Variants in DLGAP2 observed in about 807,000 individuals in gnomAD.
The protein encoded by DLGAP2 is disks large-associated protein 2.
In DLGAP2, 26 loss-of-function variants were observed where a neutral mutation model predicts 100.3. The observed-to-expected ratio is 0.26, with a 90% CI of 0.19 to 0.36. The LOEUF is 0.36. Among genes scored for constraint, DLGAP2 ranks in the 10% least tolerant of loss-of-function variants. The pLI is 1.00. For synonymous variants in DLGAP2, 886 were observed against 630.1 expected (o/e 1.41, Z -6.08); for missense variants, 1,858 against 1,453.2 (o/e 1.28, Z -4.53).
At chr8:1,111,343 G>A (rs1420676951) in intron 2 of DLGAP2, among the ~76,000 whole-genome samples, 1 of 152,050 alleles carries the variant, frequency 6.6e-6, no homozygotes, top group East Asian at 1.9e-4. Context: ...GACTCCCTGG[G>A]TTCACGTTCC....
chr8:1,002,525 C>G (rs529011999), intron 2 of DLGAP2: 1 of 152,168 alleles, frequency 6.6e-6, no homozygotes, highest in African/African-American at 2.4e-5. Context: ...GGGCTGGGTA[C>G]CTGGAAGCTC....
chr8:1,552,025 G>C (rs1801785599), intron 5 of DLGAP2, among the ~76,000 whole-genome samples: 1 of 152,166 alleles, frequency 6.6e-6, no homozygotes, highest in East Asian at 1.9e-4. Context: ...GAACCAGCTG[G>C]TTGGTCTGAT....
intron 2 of DLGAP2, among the ~76,000 whole-genome samples, chr8:1,043,088 G>C (rs1383273009): frequency 6.7e-6 from 1 of 149,076 alleles, no homozygotes; most frequent in Non-Finnish European, 1.5e-5. Context: ...TGTGGGAGGT[G>C]GATGTAGGTG....
At chr8:1,218,661 A>G (rs1476540101) in intron 2 of DLGAP2, among the ~76,000 whole-genome samples, 3 of 152,008 alleles carry the variant, frequency 2.0e-5, no homozygotes, top group Non-Finnish European at 4.4e-5. Context: ...TTCTAATTAT[A>G]TGGAAAATCA....
At chr8:743,682 G>A (rs1331524237) in intron 1 of DLGAP2, among the ~76,000 whole-genome samples, 1 of 152,106 alleles carries the variant, frequency 6.6e-6, no homozygotes, top group Admixed American at 6.5e-5. Flanking sequence ...TCCCACCTCA[G>A]CCTCCCGAGT....
chr8:1,638,467 C>G (rs1797820583), intron 8 of DLGAP2, among the ~76,000 whole-genome samples: 1 of 152,106 alleles, frequency 6.6e-6, no homozygotes, highest in Non-Finnish European at 1.5e-5. Context: ...ATCAATGTTG[C>G]TCTGTTACGG....
intron 3 of DLGAP2, among the ~76,000 whole-genome samples, chr8:1,303,670 C>T (rs778900940): frequency 6.6e-6 from 1 of 152,150 alleles, no homozygotes; most frequent in Non-Finnish European, 1.5e-5. Context: ...ACTCAGGAGC[C>T]CGCAGGAAGC....
intron 2 of DLGAP2, among the ~76,000 whole-genome samples, chr8:1,117,245 C>T (rs1216059158): frequency 1.3e-5 from 2 of 152,232 alleles, no homozygotes; most frequent in African/African-American, 4.8e-5. Flanking sequence ...TGCCTCGGGG[C>T]TGTGCCCTCT....
chr8:1,368,912 A>T (rs1252654626), intron 3 of DLGAP2: 1 of 152,170 alleles, frequency 6.6e-6, no homozygotes, highest in African/African-American at 2.4e-5. Flanking sequence ...GTCTTCCTGT[A>T]ATACAGCATC....
intron 2 of DLGAP2, among the ~76,000 whole-genome samples, chr8:974,676 A>C (rs1344130806): frequency 6.6e-6 from 1 of 152,212 alleles, no homozygotes; most frequent in Non-Finnish European, 1.5e-5. Context: ...GTCTCAAGAT[A>C]AATTTTAAAA....
intron 1 of DLGAP2, among the ~76,000 whole-genome samples, chr8:872,248 T>G (rs1002573024): frequency 6.6e-6 from 1 of 152,032 alleles, no homozygotes; most frequent in Non-Finnish European, 1.5e-5. Context: ...CCAGAACTAT[T>G]AGGACAGATG....
At chr8:1,300,930 G>A (rs117424182) in intron 3 of DLGAP2, 2,022 of 152,352 alleles carry the variant, frequency 0.013, 15 homozygotes, top group Middle Eastern at 0.051. Context: ...TGCATGAACC[G>A]AGCTCAGCGT....
At chr8:948,990 G>T (rs550558013) in intron 2 of DLGAP2, among the ~76,000 whole-genome samples, 5 of 152,042 alleles carry the variant, frequency 3.3e-5, no homozygotes, top group Non-Finnish European at 7.4e-5. Context: ...AGGAGTCGCC[G>T]GGGTGGGAGC....
intron 1 of DLGAP2, chr8:754,232 A>T (rs1003090432): frequency 2.6e-5 from 4 of 152,196 alleles, no homozygotes; most frequent in Admixed American, 1.3e-4. Flanking sequence ...GATTTCGTCC[A>T]CTGTCACTGC....
intron 1 of DLGAP2, among the ~76,000 whole-genome samples, chr8:808,412 A>G (rs1340480407): frequency 6.6e-6 from 1 of 152,110 alleles, no homozygotes; most frequent in Non-Finnish European, 1.5e-5. Context: ...GTCTGCTGAG[A>G]TCCAGGAAGG....
At chr8:1,486,797 G>C (rs2130265820) in intron 3 of DLGAP2, among the ~76,000 whole-genome samples, 1 of 152,354 alleles carries the variant, frequency 6.6e-6, no homozygotes, top group Admixed American at 6.5e-5. Context: ...TCATGCATTT[G>C]AGTCACAAAC....
intron 1 of DLGAP2, among the ~76,000 whole-genome samples, chr8:897,784 C>T (rs770785963): frequency 2.0e-5 from 3 of 152,208 alleles, no homozygotes; most frequent in Non-Finnish European, 2.9e-5. Context: ...ACGGCTTTTC[C>T]TTATGACACT....
intron 3 of DLGAP2, among the ~76,000 whole-genome samples, chr8:1,500,258 C>T (rs1163444831): frequency 6.6e-6 from 1 of 152,274 alleles, no homozygotes; most frequent in African/African-American, 2.4e-5. Flanking sequence ...CTCCCCACAC[C>T]ACTCACTGTG....
chr8:1,350,045 A>G (rs950609046), intron 3 of DLGAP2, among the ~76,000 whole-genome samples: 6 of 152,244 alleles, frequency 3.9e-5, no homozygotes, highest in Non-Finnish European at 5.9e-5. Context: ...GATGACTTTA[A>G]TATAGAAACC....
Sources: allele counts gnomAD v4.1 joint callset (sites outside exome capture counted in the v4.1 genomes callset), GRCh38; gene constraint gnomAD v4.1.1; transcripts MANE v1.5; gene names NCBI Gene and HGNC (gene_info 2026-07-23, HGNC 2026-07-21).